Variants in ZNF75D observed in about 807,000 individuals in gnomAD.
ZNF75D encodes the protein zinc finger protein 75D.
Under a neutral mutation model 33.3 loss-of-function variants are expected in ZNF75D, and 33 were observed. The observed-to-expected ratio is 0.99, with a 90% confidence interval of 0.75 to 1.32. The LOEUF is 1.32. Ranked by LOEUF, ZNF75D falls within the 40% of genes most tolerant of loss-of-function variation. ZNF75D has a pLI of 0.00. For synonymous variants in ZNF75D, 113 were observed against 130.6 expected (o/e 0.87, Z 0.92); for missense variants, 338 against 367.5 (o/e 0.92, Z 0.66).
Position 135,294,168 on chromosome X carries a change from A to G in ZNF75D, c.-28T>C, listed in dbSNP as rs782342103. 3.1e-5 allele frequency: 35 copies of G among 1,140,877 alleles called. No homozygotes were observed. The highest frequency in any genetic ancestry group is 3.6e-5 in the Non-Finnish European group (31 of 853,440). The allele number at this position is 1,140,877 out of a possible 1,213,427, so 94.0% of individuals were successfully genotyped here. ...GCTCTAGGAACAGTTTTACTCTTGT[A>G]TGTGACACTGACACCCACCTGGTAC... On this transcript the variant is annotated 5_prime_UTR_variant, in exon 3 of 7. Coordinates refer to ENST00000370766, the MANE Select transcript of ZNF75D (RefSeq NM_007131.5).
chrX:135,295,274 G>A (rs2084109262), intron 2 of ZNF75D, among the ~76,000 whole-genome samples: 1 of 111,859 alleles, frequency 8.9e-6, no homozygotes, highest in South Asian at 3.8e-4. Flanking sequence ...TTTGTCAGCA[G>A]AAGCCATTGT....
At position 135,306,284 on chromosome X, in the gene ZNF75D, T is replaced by TACAC. The variant is rs1355135835; in HGVS notation, c.-390-10246_-390-10245insGTGT. Among the ~76,000 whole-genome samples the TACAC allele has an allele frequency of 6.5e-4, 35 of 53,810 alleles. 1 individual carries two copies. Among genetic ancestry groups the TACAC allele is most frequent in the African/African-American group, 2.0e-3 (30 of 14,764 alleles). 46.7% of individuals were successfully genotyped at this position (53,810 alleles called of 115,157 possible). A position where few individuals can be genotyped will look rare whatever the true frequency, so the allele number is the denominator to read the frequency against. Reference sequence around the variant, plus strand: ...CTTCAGGAAGACAGGACAACAGAGATACATACACACACACACACACACACA... The same window carrying TACAC: ...CTTCAGGAAGACAGGACAACAGAGATACACACATACACACACACACACACACACA... On this transcript the variant is annotated intron_variant, in intron 1 of 6. Coordinates refer to ENST00000370766, the MANE Select transcript of ZNF75D (RefSeq NM_007131.5).
chrX:135,250,474 T>C (rs1923065381), intron 3 of ZNF75D, among the ~76,000 whole-genome samples: 1 of 107,208 alleles, frequency 9.3e-6, no homozygotes. Flanking sequence ...AGTATTGACC[T>C]ATTTAAGGAA....
intron 1 of ZNF75D, among the ~76,000 whole-genome samples, chrX:135,327,237 A>G (rs1328925440): frequency 2.7e-5 from 3 of 112,510 alleles, no homozygotes; most frequent in Non-Finnish European, 5.6e-5. Context: ...CATGAGTTCA[A>G]TTAGTTTGTT....
rs1477381541 is a variant in ZNF75D, at chrX:135,311,312, G to GA, written c.-390-15274dup. Among the ~76,000 whole-genome samples the GA allele has an allele frequency of 5.3e-5, 6 of 112,387 alleles. No individual in the cohort carries two copies. The East Asian group carries it at 1.7e-3, about 32-fold the overall frequency. The stretch of plus-strand genomic sequence containing the variant: ...GCATGGTGAAGAAGGCTGAGACTCT[G>GA]AGGGTGCAATCAGCAGCTGACAGCT... On this transcript the variant is annotated intron_variant, in intron 1 of 6. Transcript: ENST00000370766.
chrX:135,305,781 G>C (rs2084277441), intron 1 of ZNF75D, among the ~76,000 whole-genome samples: 1 of 111,086 alleles, frequency 9.0e-6, no homozygotes, highest in South Asian at 3.9e-4. Flanking sequence ...TGCAATGTTA[G>C]TAAACACTCT....
chrX:135,261,339 T>C (rs1233143026), intron 1 of ZNF75D, among the ~76,000 whole-genome samples: 1 of 112,194 alleles, frequency 8.9e-6, no homozygotes, highest in African/African-American at 3.2e-5. Flanking sequence ...TGAGTTCAGG[T>C]CCTGGATATC....
intron 1 of ZNF75D, among the ~76,000 whole-genome samples, chrX:135,302,256 G>A (rs2084228112): frequency 8.9e-6 from 1 of 112,460 alleles, no homozygotes; most frequent in Non-Finnish European, 1.9e-5. Context: ...GGTGAAGCAA[G>A]GATATGAAGG....
rs1273956712 is a variant in ZNF75D, at chrX:135,292,528, G to T, written c.412-55C>A. The T allele has an allele frequency of 2.1e-5, 23 of 1,082,789 alleles. No individual in the cohort carries two copies. The Admixed American group carries it at 5.7e-4, about 27-fold the overall frequency. 89.2% of individuals were successfully genotyped at this position (1,082,789 alleles called of 1,213,427 possible). ...AGAACTTACTTTTGGTTTTGGGGTGGTAGTGGAGGGAGGAACAAGAGCAGA... is the reference window on the plus strand; with the variant it reads ...AGAACTTACTTTTGGTTTTGGGGTGTTAGTGGAGGGAGGAACAAGAGCAGA... On this transcript the variant is annotated intron_variant, in intron 3 of 6. Coordinates refer to ENST00000370766, the MANE Select transcript of ZNF75D (RefSeq NM_007131.5).
intron 1 of ZNF75D, among the ~76,000 whole-genome samples, chrX:135,305,395 T>G (rs1159858694): frequency 8.9e-6 from 1 of 111,932 alleles, no homozygotes; most frequent in African/African-American, 3.2e-5. Flanking sequence ...CACTCACACT[T>G]GAATGTCTGG....
chrX:135,278,146 T>C (rs1353050239), intron 1 of ZNF75D, among the ~76,000 whole-genome samples: 2 of 112,004 alleles, frequency 1.8e-5, no homozygotes, highest in African/African-American at 6.5e-5. Context: ...TCCATTTGTT[T>C]GTGTCCTCTC....
At chrX:135,280,694 A>G (rs934996058) in intron 1 of ZNF75D, among the ~76,000 whole-genome samples, 2 of 111,250 alleles carry the variant, frequency 1.8e-5, no homozygotes, top group Non-Finnish European at 3.8e-5. Context: ...TGGTGACAAA[A>G]TCTCTCAGCA....
intron 1 of ZNF75D, among the ~76,000 whole-genome samples, chrX:135,276,805 C>T (rs1602589470): frequency 1.8e-5 from 2 of 111,742 alleles, no homozygotes; most frequent in South Asian, 7.6e-4. Flanking sequence ...ATCCATGTCT[C>T]TGCAAAGGAC....
intron 1 of ZNF75D, among the ~76,000 whole-genome samples, chrX:135,279,987 T>C (rs1348747561): frequency 2.7e-5 from 3 of 111,639 alleles, no homozygotes; most frequent in Non-Finnish European, 5.6e-5. Context: ...GTTCTGTAGA[T>C]GTCTATTAGG....
rs2083853026 is a variant in ZNF75D at position 135,263,889 on chromosome X, C to T, written n.828-8112G>A. Among the ~76,000 whole-genome samples the T allele has an allele frequency of 2.7e-5, 3 of 112,303 alleles. No homozygotes were observed. The South Asian group carries it at 1.1e-3, about 42-fold the overall frequency. On this transcript the variant is annotated intron_variant and non_coding_transcript_variant, in intron 1 of 3. Coordinates refer to the ZNF75D transcript ENST00000494295. ...AGTTGGAAATGTAGAAATCACGCATCTTCTGAGTCGATCACGCTGGGAGCT... is the reference window on the plus strand; with the variant it reads ...AGTTGGAAATGTAGAAATCACGCATTTTCTGAGTCGATCACGCTGGGAGCT...
intron 3 of ZNF75D, among the ~76,000 whole-genome samples, chrX:135,249,702 CTGATT>C (rs2083774000): frequency 1.2e-5 from 1 of 86,400 alleles, no homozygotes; most frequent in African/African-American, 4.1e-5. Flanking sequence ...ACTGGATATA[CTGATT>C]TATTTAGAGG....
At chrX:135,263,938 G>A (rs1191337647) in intron 1 of ZNF75D, among the ~76,000 whole-genome samples, 3 of 111,938 alleles carry the variant, frequency 2.7e-5, no homozygotes, top group African/African-American at 9.7e-5. Context: ...GTTCCTATTT[G>A]GCCATCTTGG....
chrX:135,258,003 TG>T (rs2083814963), intron 1 of ZNF75D, among the ~76,000 whole-genome samples: 1 of 107,411 alleles, frequency 9.3e-6, no homozygotes, highest in Non-Finnish European at 1.9e-5. Context: ...TGATGTTCCC[TG>T]CCCTGTGTCC....
chrX:135,252,256 A>T lies in ZNF75D; in HGVS notation n.1151-245T>A, dbSNP rs782440947. ...AGAGACACTACAGAGCAGTGGGTAA[A>T]AGCAGAAGCTTCAGATACAGGCTTT... is the stretch of plus-strand genomic sequence containing the variant. On this transcript the variant is annotated intron_variant and non_coding_transcript_variant, in intron 2 of 3. Coordinates refer to the ZNF75D transcript ENST00000494295. Among the ~76,000 whole-genome samples, 3 of 104,015 alleles carry T rather than the reference A, an allele frequency of 2.9e-5. No individual in the cohort carries two copies. In the East Asian group the frequency reaches 8.7e-4, roughly 30 times the overall value. The allele number at this position is 104,015 out of a possible 115,157, so 90.3% of individuals were successfully genotyped here.
Sources: gnomAD v4.1 joint callset for allele counts (sites outside exome capture counted in the v4.1 genomes callset) on GRCh38, gnomAD v4.1.1 for gene constraint, MANE v1.5 for transcripts, NCBI Gene and HGNC (gene_info 2026-07-23, HGNC 2026-07-21) for gene names.